Variants in PIK3C2G observed in about 807,000 individuals in gnomAD.
PIK3C2G encodes phosphatidylinositol 3-kinase C2 domain-containing subunit gamma.
Under a neutral mutation model 181.1 loss-of-function variants are expected in PIK3C2G, and 168 were observed. The ratio of observed to expected loss-of-function variants is 0.93; its 90% CI spans 0.82 to 1.05. The LOEUF (loss-of-function observed/expected upper bound fraction) is 1.05. Ranked by LOEUF, PIK3C2G falls within the 50% of genes least tolerant of loss-of-function variation. The pLI, the probability that PIK3C2G is intolerant of heterozygous loss-of-function variation, is 0.00. For missense variants in PIK3C2G, 1,869 were observed against 1,732.8 expected, an observed-to-expected ratio of 1.08 and a Z score of -1.40; for synonymous variants, 573 against 592.2, an observed-to-expected ratio of 0.97 and a Z score of 0.47.
chr12:18,331,994 A>G (rs977852788), intron 8 of PIK3C2G, among the ~76,000 whole-genome samples: 2 of 152,156 alleles, frequency 1.3e-5, no homozygotes, highest in African/African-American at 4.8e-5. Context: ...TACACTTACT[A>G]AGAATTTATA....
rs16914368 is a variant in PIK3C2G, at chr12:18,648,056, A to G, written c.*28A>G. The G allele has an allele frequency of 1.7e-6, 2 of 1,167,892 alleles. No individual in the cohort carries two copies. The allele number at this position is 1,167,892 out of a possible 1,614,324, so 72.3% of individuals were successfully genotyped here. Reference sequence around the variant, plus strand: ...ATTGCTATGAACATATGCATTATTCATTAACTACTTGTATTTTTTTCACTT... The same window carrying G: ...ATTGCTATGAACATATGCATTATTCGTTAACTACTTGTATTTTTTTCACTT... On this transcript the variant is annotated 3_prime_UTR_variant, in exon 33 of 33. Transcript: ENST00000538779.
At chr12:18,291,238 A>G (rs569309704) in intron 4 of PIK3C2G, among the ~76,000 whole-genome samples, 1 of 152,352 alleles carries the variant, frequency 6.6e-6, no homozygotes, top group African/African-American at 2.4e-5. Flanking sequence ...ATAATATTTT[A>G]TCTTCCTGCT....
chr12:18,395,593 A>C (rs896754049), intron 15 of PIK3C2G, among the ~76,000 whole-genome samples: 22 of 150,018 alleles, frequency 1.5e-4, no homozygotes, highest in African/African-American at 5.4e-4. Context: ...ATACCCCAAA[A>C]TATGTAAATA....
At chr12:18,673,135 C>T in the PIK3C2G span, among the ~76,000 whole-genome samples, 6 of 151,990 alleles carry the variant, frequency 3.9e-5, no homozygotes, top group Non-Finnish European at 8.8e-5. Flanking sequence ...AGAAGACAGG[C>T]TTAAGGAACA....
At chr12:18,466,782 A>C (rs996085968) in intron 18 of PIK3C2G, among the ~76,000 whole-genome samples, 3 of 152,026 alleles carry the variant, frequency 2.0e-5, no homozygotes, top group African/African-American at 7.2e-5. Flanking sequence ...AAGTCCTCTT[A>C]AGATGACTCT....
At chr12:18,320,103 C>T (rs544832942) in intron 6 of PIK3C2G, 7 of 152,194 alleles carry the variant, frequency 4.6e-5, no homozygotes, top group South Asian at 2.1e-4. Context: ...GTTTTCTGTC[C>T]GAATTTCTAA....
At chr12:18,638,832 G>A (rs1949712092) in intron 31 of PIK3C2G, among the ~76,000 whole-genome samples, 2 of 150,972 alleles carry the variant, frequency 1.3e-5, no homozygotes, top group South Asian at 4.2e-4. Context: ...TACCCACTAA[G>A]TTTTACCCAC....
intron 14 of PIK3C2G, among the ~76,000 whole-genome samples, chr12:18,390,813 CAAAAATGT>C (rs911551860): frequency 1.3e-5 from 2 of 151,924 alleles, no homozygotes; most frequent in African/African-American, 4.8e-5. Flanking sequence ...TAGCATTAAC[CAAAAATGT>C]AACATATTAA....
chr12:18,703,795 C>T, the PIK3C2G span, among the ~76,000 whole-genome samples: 23 of 152,146 alleles, frequency 1.5e-4, no homozygotes, highest in Non-Finnish European at 2.6e-4. Context: ...CAGAAAGCTA[C>T]CCTTACACTA....
At chr12:18,300,618 T>A (rs1378194443) in intron 5 of PIK3C2G, among the ~76,000 whole-genome samples, 2 of 152,126 alleles carry the variant, frequency 1.3e-5, no homozygotes, top group African/African-American at 4.8e-5. Context: ...ATATTCAAGG[T>A]TATAATTGAT....
chr12:18,695,353 A>C, the PIK3C2G span, among the ~76,000 whole-genome samples: 1 of 152,330 alleles, frequency 6.6e-6, no homozygotes, highest in Non-Finnish European at 1.5e-5. Context: ...ATTACAGAAT[A>C]ACAATGTTCA....
chr12:18,640,658 C>A, intron 32 of PIK3C2G, 104 bp downstream of exon 32: 2 of 1,022,554 alleles, frequency 2.0e-6, no homozygotes, highest in South Asian at 1.6e-5. Flanking sequence ...AGCATTATTT[C>A]ATAAAGGAAA....
At chr12:18,478,065 G>A (rs1939179426) in intron 18 of PIK3C2G, among the ~76,000 whole-genome samples, 1 of 152,054 alleles carries the variant, frequency 6.6e-6, no homozygotes. Context: ...GAAACTTTAT[G>A]AAAAAGATGC....
chr12:18,458,853 T>TA (rs1363276649), intron 18 of PIK3C2G, among the ~76,000 whole-genome samples: 4,267 of 134,074 alleles, frequency 0.032, 60 homozygotes, highest in African/African-American at 0.042. Flanking sequence ...ACAGCCAGTT[T>TA]AAAAAAAAAA....
At chr12:18,713,107 C>T in the PIK3C2G span, 1 of 1,336,228 alleles carries the variant, frequency 7.5e-7, no homozygotes, top group Admixed American at 2.1e-5. Flanking sequence ...GTCCATAAAA[C>T]TCTATAAAAA....
At chr12:18,702,072 GTATA>G in the PIK3C2G span, among the ~76,000 whole-genome samples, 1 of 151,708 alleles carries the variant, frequency 6.6e-6, no homozygotes, top group Non-Finnish European at 1.5e-5. Flanking sequence ...TATGTGAAAA[GTATA>G]TATATATAAA....
intron 14 of PIK3C2G, among the ~76,000 whole-genome samples, chr12:18,385,332 C>T (rs1429796892): frequency 1.3e-5 from 2 of 152,020 alleles, no homozygotes; most frequent in Admixed American, 6.6e-5. Flanking sequence ...TTTTTCAGGT[C>T]CTATGGTTGA....
chr12:18,467,079 T>C (rs900084691), intron 18 of PIK3C2G, among the ~76,000 whole-genome samples: 1 of 152,026 alleles, frequency 6.6e-6, no homozygotes, highest in Non-Finnish European at 1.5e-5. Flanking sequence ...CTAAATAACT[T>C]TACTATTGTC....
chr12:18,483,023 ATC>A (rs993203961), intron 18 of PIK3C2G, among the ~76,000 whole-genome samples: 28 of 152,306 alleles, frequency 1.8e-4, no homozygotes, highest in African/African-American at 6.0e-4. Flanking sequence ...GATAACTATT[ATC>A]TCTTTTCTTC....
Sources: allele counts gnomAD v4.1 joint callset (sites outside exome capture counted in the v4.1 genomes callset), GRCh38; gene constraint gnomAD v4.1.1; transcripts MANE v1.5; gene names NCBI Gene and HGNC (gene_info 2026-07-23, HGNC 2026-07-21).